Variants in NPAS3 observed in about 807,000 individuals in gnomAD.
The protein encoded by NPAS3 is neuronal PAS domain-containing protein 3.
A neutral mutation model predicts 73.1 loss-of-function variants in NPAS3; 14 were observed. That is an observed-to-expected ratio of 0.19 (90% CI 0.13 to 0.30). NPAS3 has a LOEUF of 0.30. Among genes scored for constraint, NPAS3 ranks in the 10% least tolerant of loss-of-function variants. NPAS3 has a pLI of 1.00. For synonymous variants in NPAS3, 620 were observed against 541.5 expected (o/e 1.14, Z -2.01); for missense variants, 1,096 against 1,250.0 (o/e 0.88, Z 1.86).
intron 5 of NPAS3, among the ~76,000 whole-genome samples, chr14:33,602,794 C>A (rs931848623): frequency 6.6e-6 from 1 of 152,110 alleles, no homozygotes; most frequent in Non-Finnish European, 1.5e-5. Context: ...ATTCAGCAGG[C>A]CTTGATTCAG....
At chr14:33,095,670 A>C (rs12432639) in intron 2 of NPAS3, among the ~76,000 whole-genome samples, 1 of 71,282 alleles carries the variant, frequency 1.4e-5, no homozygotes, top group Non-Finnish European at 3.5e-5. Flanking sequence ...TTATTTTTTT[A>C]TTTTTTTTTT....
chr14:32,935,285 A>C (rs1349379814), upstream of NPAS3, among the ~76,000 whole-genome samples: 4 of 152,168 alleles, frequency 2.6e-5, no homozygotes, highest in African/African-American at 9.6e-5. Flanking sequence ...GAAGTCTGAG[A>C]CGCCGCACAA....
chr14:32,970,966 G>C (rs898312380), intron 1 of NPAS3, among the ~76,000 whole-genome samples: 9 of 152,038 alleles, frequency 5.9e-5, no homozygotes, highest in Non-Finnish European at 1.3e-4. Flanking sequence ...TCCAACCCAT[G>C]ACACCTACCC....
intron 4 of NPAS3, among the ~76,000 whole-genome samples, chr14:33,468,624 A>T (rs1422372398): frequency 2.0e-5 from 3 of 152,022 alleles, no homozygotes; most frequent in Admixed American, 2.0e-4. Flanking sequence ...TTTAACTCAT[A>T]CTCTTTCTGG....
Position 33,192,231 on chromosome 14 carries a change from A to AG in NPAS3, c.141-22950dup, listed in dbSNP as rs552723922. On this transcript the variant is annotated intron_variant, in intron 2 of 11. Transcript: ENST00000356141. ...CATAAGATTGTTTAAAGATTCAATG[A>AG]GAAAAACAATATGAAGCAATTAATT... Among the ~76,000 whole-genome samples, 9 of 152,278 alleles carry AG rather than the reference A, an allele frequency of 5.9e-5. No individual in the cohort carries two copies. In the South Asian group the frequency reaches 1.7e-3, roughly 28 times the overall value.
At chr14:33,512,889 A>T (rs1246360693) in intron 4 of NPAS3, among the ~76,000 whole-genome samples, 2 of 152,088 alleles carry the variant, frequency 1.3e-5, no homozygotes, top group African/African-American at 4.8e-5. Flanking sequence ...GTATATTTTT[A>T]AAGTGCCATT....
intron 1 of NPAS3, among the ~76,000 whole-genome samples, chr14:32,969,560 T>C (rs2037334861): frequency 6.6e-6 from 1 of 152,124 alleles, no homozygotes; most frequent in African/African-American, 2.4e-5. Flanking sequence ...ATGGATAGGA[T>C]TGGTGATTTT....
At chr14:33,778,233 C>T (rs1470249123) in intron 8 of NPAS3, among the ~76,000 whole-genome samples, 1 of 152,140 alleles carries the variant, frequency 6.6e-6, no homozygotes, top group African/African-American at 2.4e-5. Context: ...AGAGAAAAAC[C>T]TATCTAATTG....
intron 6 of NPAS3, among the ~76,000 whole-genome samples, chr14:33,704,350 G>A (rs2060602394): frequency 1.3e-5 from 2 of 152,170 alleles, no homozygotes; most frequent in South Asian, 4.2e-4. Flanking sequence ...TGTTAAGTGA[G>A]AATTTAAAAA....
intron 2 of NPAS3, among the ~76,000 whole-genome samples, chr14:33,115,159 G>A (rs1322887332): frequency 1.3e-5 from 2 of 152,264 alleles, no homozygotes; most frequent in Middle Eastern, 3.4e-3. Flanking sequence ...GGTTAATATC[G>A]GAAAGGGATA....
intron 4 of NPAS3, among the ~76,000 whole-genome samples, chr14:33,465,211 A>G (rs115321323): frequency 1.6e-3 from 240 of 152,272 alleles, no homozygotes; most frequent in African/African-American, 5.7e-3. Flanking sequence ...TTTGCACGCA[A>G]TAGATGCTCA....
intron 4 of NPAS3, among the ~76,000 whole-genome samples, chr14:33,517,391 C>T (rs969408123): frequency 2.0e-5 from 3 of 152,102 alleles, no homozygotes; most frequent in Non-Finnish European, 4.4e-5. Flanking sequence ...CAGTTTACAA[C>T]ATGGCTTTCA....
At chr14:33,351,312 C>G (rs1371573640) in intron 3 of NPAS3, among the ~76,000 whole-genome samples, 2 of 152,268 alleles carry the variant, frequency 1.3e-5, no homozygotes, top group Middle Eastern at 6.8e-3. Context: ...ACAAACATGA[C>G]ATGACCGATG....
intron 2 of NPAS3, among the ~76,000 whole-genome samples, chr14:33,171,496 A>G (rs568786740): frequency 1.4e-4 from 22 of 152,290 alleles, no homozygotes; most frequent in African/African-American, 5.3e-4. Context: ...TCTTTCCCTA[A>G]ACCACATAAA....
intron 3 of NPAS3, among the ~76,000 whole-genome samples, chr14:33,297,569 T>C (rs2140136148): frequency 6.6e-6 from 1 of 152,278 alleles, no homozygotes; most frequent in Non-Finnish European, 1.5e-5. Context: ...CCATATTTGG[T>C]AAATTGATTG....
intron 7 of NPAS3, among the ~76,000 whole-genome samples, chr14:33,741,364 G>C (rs2061651470): frequency 6.6e-6 from 1 of 152,188 alleles, no homozygotes; most frequent in African/African-American, 2.4e-5. Flanking sequence ...CTAAGGCTAT[G>C]CATTTATTGC....
At chr14:33,694,881 G>A (rs1410896468) in intron 6 of NPAS3, among the ~76,000 whole-genome samples, 1 of 152,056 alleles carries the variant, frequency 6.6e-6, no homozygotes, top group Non-Finnish European at 1.5e-5. Flanking sequence ...TTAATTCTCT[G>A]TGTCTGCTTT....
intron 7 of NPAS3, among the ~76,000 whole-genome samples, chr14:33,755,109 T>C (rs929617781): frequency 6.6e-6 from 1 of 152,240 alleles, no homozygotes; most frequent in African/African-American, 2.4e-5. Context: ...TCATTTAGCT[T>C]GCCTAAGTCT....
intron 1 of NPAS3, among the ~76,000 whole-genome samples, chr14:32,987,367 A>G (rs1428554495): frequency 6.6e-6 from 1 of 151,886 alleles, no homozygotes; most frequent in Non-Finnish European, 1.5e-5. Flanking sequence ...GGTCCATGAC[A>G]TCAGGATGAA....
Sources: allele counts gnomAD v4.1 joint callset (sites outside exome capture counted in the v4.1 genomes callset), GRCh38; gene constraint gnomAD v4.1.1; transcripts MANE v1.5; gene names NCBI Gene and HGNC (gene_info 2026-07-23, HGNC 2026-07-21).